Variants in CCNYL1 observed in about 807,000 individuals in gnomAD.
CCNYL1 encodes the protein cyclin Y like 1.
Under a neutral mutation model 44.2 loss-of-function variants are expected in CCNYL1, and 16 were observed. The observed-to-expected ratio is 0.36, with a 90% confidence interval of 0.25 to 0.55. The LOEUF is 0.55. Ranked by LOEUF, CCNYL1 falls within the 20% of genes least tolerant of loss-of-function variation. The pLI is 0.85. For missense variants in CCNYL1, 348 were observed against 451.8 expected, an observed-to-expected ratio of 0.77 and a Z score of 2.08; for synonymous variants, 159 against 163.2, an observed-to-expected ratio of 0.97 and a Z score of 0.20.
At chr2:207,748,059 T>A (rs139137373) in intron 8 of CCNYL1, among the ~76,000 whole-genome samples, 253 of 152,346 alleles carry the variant, frequency 1.7e-3, no homozygotes, top group Non-Finnish European at 2.9e-3. Flanking sequence ...TTACGTAGCT[T>A]CAACCTGAGT....
At chr2:207,743,937 C>T (rs962223461) in intron 7 of CCNYL1, among the ~76,000 whole-genome samples, 11 of 152,110 alleles carry the variant, frequency 7.2e-5, no homozygotes, top group East Asian at 1.9e-4. Context: ...GGATTACAGA[C>T]GTGAGCTACC....
chr2:207,733,245 T>C (rs1359080447), intron 3 of CCNYL1, among the ~76,000 whole-genome samples: 3 of 152,216 alleles, frequency 2.0e-5, no homozygotes, highest in Non-Finnish European at 4.4e-5. Context: ...ATTAATAACA[T>C]TTTGAAATGG....
intron 1 of CCNYL1, among the ~76,000 whole-genome samples, chr2:207,721,744 T>TG (rs1299243748): frequency 6.6e-6 from 1 of 151,968 alleles, no homozygotes; most frequent in Non-Finnish European, 1.5e-5. Flanking sequence ...GTTTTTTTTT[T>TG]TTTTGTTTTG....
intron 2 of CCNYL1, 152 bp downstream of exon 2, chr2:207,725,026 C>A (rs1186499849): frequency 3.3e-6 from 2 of 601,268 alleles, no homozygotes; most frequent in East Asian, 5.9e-5. Flanking sequence ...GATATACTTT[C>A]CTTTAGTTGT....
At chr2:207,722,178 T>G (rs1345772433) in intron 1 of CCNYL1, among the ~76,000 whole-genome samples, 2 of 151,528 alleles carry the variant, frequency 1.3e-5, no homozygotes, top group African/African-American at 2.4e-5. Context: ...GTTCAAGCGA[T>G]TCTTCTGCTT....
intron 3 of CCNYL1, among the ~76,000 whole-genome samples, chr2:207,729,260 GCCCCCACCCCACCC>G (rs2091704930): frequency 2.6e-5 from 1 of 38,508 alleles, no homozygotes; most frequent in Non-Finnish European, 4.5e-5. Flanking sequence ...GCCCCCCCCC[GCCCCCACCCCACCC>G]CCCCCACCCC....
chr2:207,739,798 G>A (rs555591347), intron 5 of CCNYL1, among the ~76,000 whole-genome samples: 2 of 152,290 alleles, frequency 1.3e-5, no homozygotes, highest in Admixed American at 6.5e-5. Flanking sequence ...ACTGCAAGAG[G>A]CAGTAAAGAG....
intron 3 of CCNYL1, among the ~76,000 whole-genome samples, chr2:207,732,826 A>G (rs987718840): frequency 2.0e-5 from 3 of 152,200 alleles, no homozygotes; most frequent in African/African-American, 7.2e-5. Context: ...CCTCCTTGAT[A>G]CAAATGCAGA....
intron 1 of CCNYL1, among the ~76,000 whole-genome samples, chr2:207,718,987 A>C (rs1316070056): frequency 6.6e-6 from 1 of 152,198 alleles, no homozygotes; most frequent in Admixed American, 6.5e-5. Context: ...AAAAAAAAAA[A>C]AACTCTCTTT....
At chr2:207,746,357 T>C (rs999403441) in intron 7 of CCNYL1, among the ~76,000 whole-genome samples, 1 of 152,238 alleles carries the variant, frequency 6.6e-6, no homozygotes, top group African/African-American at 2.4e-5. Context: ...TTGAGCATAA[T>C]ATAGCTACCT....
chr2:207,723,692 A>C (rs576589680), intron 1 of CCNYL1, among the ~76,000 whole-genome samples: 30 of 152,102 alleles, frequency 2.0e-4, no homozygotes, highest in African/African-American at 7.0e-4. Context: ...CCTGGCCAAC[A>C]TGGTAAAACC....
Position 207,712,024 on chromosome 2 carries a change from T to C in CCNYL1, c.128T>C (p.Val43Ala), listed in dbSNP as rs557924804. The stretch of plus-strand genomic sequence containing the variant: ...GCGGTGTCCGGGGACGCGGTGGCGG[T>C]AGCGCCCGCTGTGGTGGAGCCTGCC... ...YEAVSGDAVAVAPAVVEPAEL... is the reference protein window; with the variant it reads ...YEAVSGDAVAAAPAVVEPAEL... The change falls in exon 1 of 10, where the codon GTA becomes GCA. Residue 43 changes from valine (V) to alanine (A), a missense_variant. Physicochemically the swap from Val to Ala is moderately conservative, Grantham distance 64. This residue lies in a region of CCNYL1 where 209 missense variants were observed against 247.7 expected (regional missense o/e 0.84). Coordinates refer to ENST00000295414, the MANE Select transcript of CCNYL1 (RefSeq NM_001330218.2). 1.3e-4 allele frequency: 189 copies of C among 1,499,074 alleles called. 4 individuals are homozygous for C. The South Asian group carries it at 2.3e-3, about 18-fold the overall frequency. 92.9% of individuals were successfully genotyped at this position (1,499,074 alleles called of 1,614,324 possible).
intron 5 of CCNYL1, among the ~76,000 whole-genome samples, chr2:207,738,145 C>T (rs928857163): frequency 6.6e-6 from 1 of 152,086 alleles, no homozygotes; most frequent in Non-Finnish European, 1.5e-5. Context: ...CCTAGCCTCA[C>T]GCAAATATAT....
intron 3 of CCNYL1, among the ~76,000 whole-genome samples, chr2:207,727,964 CTTTT>C (rs535485306): frequency 7.1e-6 from 1 of 141,018 alleles, no homozygotes. Context: ...CTCTCTCTCT[CTTTT>C]TTTTTTTTTT....
rs779206790 is a variant in CCNYL1, at chr2:207,737,477, C to G, written c.467+31C>G. On this transcript the variant is annotated intron_variant, in intron 5 of 9. Coordinates refer to ENST00000295414, the MANE Select transcript of CCNYL1 (RefSeq NM_001330218.2). Reference sequence around the variant, plus strand: ...CTCCTTTAAAACCTGTCTTGTTATTCCAGCTAATTACTTTGCATGATATCA... The same window carrying G: ...CTCCTTTAAAACCTGTCTTGTTATTGCAGCTAATTACTTTGCATGATATCA... The G allele has an allele frequency of 7.0e-6, 11 of 1,573,624 alleles. No individual in the cohort carries two copies. The East Asian group carries it at 2.2e-4, about 32-fold the overall frequency.
chr2:207,748,328 T>G (rs2091869569), intron 8 of CCNYL1, among the ~76,000 whole-genome samples: 1 of 152,154 alleles, frequency 6.6e-6, no homozygotes, highest in African/African-American at 2.4e-5. Context: ...ACAGCACCAC[T>G]TTGGGGGCCT....
rs1559174908 is a variant in CCNYL1, at chr2:207,753,740, ACAAAGACTGGAGAAATACC to A, written c.*43_*61del. The A allele has an allele frequency of 8.0e-7, 1 of 1,251,928 alleles. No individual in the cohort carries two copies. The highest frequency in any genetic ancestry group is 1.9e-5 in the Admixed American group (1 of 53,554). 77.6% of individuals were successfully genotyped at this position (1,251,928 alleles called of 1,614,324 possible). A position where few individuals can be genotyped will look rare whatever the true frequency, so the allele number is the denominator to read the frequency against. On this transcript the variant is annotated 3_prime_UTR_variant, in exon 10 of 10. Transcript: ENST00000295414. ...TTATAACGTCATGGGACCTTCATCTACAAAGACTGGAGAAATACCACCTTTCCTGCTCAAAAACCAGCAA... is the reference window on the plus strand; with the variant it reads ...TTATAACGTCATGGGACCTTCATCTAACCTTTCCTGCTCAAAAACCAGCAA...
intron 5 of CCNYL1, among the ~76,000 whole-genome samples, chr2:207,740,246 A>G (rs974014930): frequency 2.0e-5 from 3 of 152,270 alleles, no homozygotes; most frequent in South Asian, 2.1e-4. Context: ...AGAACTAGAA[A>G]GGAAAAGCCT....
At position 207,755,263 on chromosome 2, in the gene CCNYL1, C is replaced by T. The variant is rs1398109718; in HGVS notation, c.*1565C>T. ...GATATGGTGGCATGTGTCTGTAGTC[C>T]CAGCCACTCTGGAGGCTAAGGTGGG... is the stretch of plus-strand genomic sequence containing the variant. On this transcript the variant is annotated 3_prime_UTR_variant, in exon 10 of 10. Transcript: ENST00000295414. 2 of 152,028 alleles carry T rather than the reference C, an allele frequency of 1.3e-5. No individual in the cohort carries two copies. The allele number at this position is 152,028 out of a possible 1,614,324, so 9.4% of individuals were successfully genotyped here.
Sources: allele counts gnomAD v4.1 joint callset (sites outside exome capture counted in the v4.1 genomes callset), GRCh38; gene constraint gnomAD v4.1.1; regional missense constraint gnomAD v4.1.1; transcripts MANE v1.5; gene names NCBI Gene and HGNC (gene_info 2026-07-23, HGNC 2026-07-21).